SFXN1: variants seen among roughly 807,000 people sequenced by gnomAD.
SFXN1 encodes the protein sideroflexin 1.
In SFXN1, 32 loss-of-function variants were observed where a neutral mutation model predicts 39.5. The ratio of observed to expected loss-of-function variants is 0.81; its 90% CI spans 0.61 to 1.09. SFXN1 has a LOEUF of 1.09. SFXN1 is among the 50% of genes least tolerant of loss of function. The probability of loss-of-function intolerance (pLI) is 0.00; values close to 1 mark genes in which losing one functional copy is unlikely to be tolerated. For synonymous variants in SFXN1, 136 were observed against 146.5 expected (o/e 0.93, Z 0.52); for missense variants, 402 against 407.1 (o/e 0.99, Z 0.11).
chr5:175,481,613 A>T (rs1052268696), intron 1 of SFXN1, among the ~76,000 whole-genome samples: 9 of 152,194 alleles, frequency 5.9e-5, no homozygotes, highest in Non-Finnish European at 1.3e-4. Context: ...CGCGCCTGGC[A>T]CATGGGTGTT....
intron 6 of SFXN1, among the ~76,000 whole-genome samples, chr5:175,512,493 A>G (rs1013399499): frequency 6.6e-6 from 1 of 152,184 alleles, no homozygotes; most frequent in East Asian, 1.9e-4. Context: ...ATATATCTCA[A>G]GCTTACATTG....
intron 1 of SFXN1, among the ~76,000 whole-genome samples, chr5:175,487,728 C>T (rs1235267279): frequency 6.6e-6 from 1 of 152,196 alleles, no homozygotes; most frequent in African/African-American, 2.4e-5. Flanking sequence ...GAACTTAGAC[C>T]TACTTACTCT....
chr5:175,503,648 A>G (rs1240674718), intron 2 of SFXN1, among the ~76,000 whole-genome samples: 1 of 152,222 alleles, frequency 6.6e-6, no homozygotes, highest in African/African-American at 2.4e-5. Flanking sequence ...CCACATCAGT[A>G]GTGAGCAATG....
At chr5:175,513,809 G>A (rs911721365) in intron 7 of SFXN1, 2 of 442,144 alleles carry the variant, frequency 4.5e-6, no homozygotes, top group Non-Finnish European at 8.4e-6. Context: ...GGCAGCCGGG[G>A]AAGAGCACTG....
At chr5:175,504,003 CA>C (rs56776430) in intron 2 of SFXN1, among the ~76,000 whole-genome samples, 2,228 of 51,918 alleles carry the variant, frequency 0.043, 13 homozygotes, top group Middle Eastern at 0.1. Flanking sequence ...CACTCCATCT[CA>C]AAAAAAAAAA....
chr5:175,515,469 A>G (rs1760685198), intron 7 of SFXN1, among the ~76,000 whole-genome samples: 1 of 152,232 alleles, frequency 6.6e-6, no homozygotes, highest in Admixed American at 6.5e-5. Flanking sequence ...AGTGCAATTT[A>G]TAAGAGTAAT....
At chr5:175,498,463 G>A (rs376133318) in intron 2 of SFXN1, among the ~76,000 whole-genome samples, 2 of 152,142 alleles carry the variant, frequency 1.3e-5, no homozygotes, top group African/African-American at 4.8e-5. Flanking sequence ...CGATCTGACC[G>A]CAGAGTTCAT....
chr5:175,516,464 ATAATT>A, intron 7 of SFXN1, 145 bp from the exon 8 acceptor site: 3 of 630,056 alleles, frequency 4.8e-6, no homozygotes, highest in Non-Finnish European at 8.1e-6. Flanking sequence ...TTCAAATGTA[ATAATT>A]TAAAGAATTG....
chr5:175,495,729 A>AG (rs546000937), intron 2 of SFXN1, among the ~76,000 whole-genome samples: 84 of 14,142 alleles, frequency 5.9e-3, no homozygotes, highest in Non-Finnish European at 0.01. Flanking sequence ...ACTTCGTCTC[A>AG]AAAAAAAAAA....
intron 2 of SFXN1, among the ~76,000 whole-genome samples, chr5:175,501,956 A>ACTGATTC (rs1196897351): frequency 6.6e-6 from 1 of 152,202 alleles, no homozygotes; most frequent in Non-Finnish European, 1.5e-5. Flanking sequence ...AGTCTCCCCG[A>ACTGATTC]CTGATTCGGT....
chr5:175,491,648 A>T (rs1184922274), intron 1 of SFXN1: 1 of 152,720 alleles, frequency 6.5e-6, no homozygotes, highest in Non-Finnish European at 1.5e-5. Flanking sequence ...CCATGCCCGG[A>T]TAAGTTTTTA....
At chr5:175,489,338 G>T (rs1383863054) in intron 1 of SFXN1, among the ~76,000 whole-genome samples, 1 of 152,150 alleles carries the variant, frequency 6.6e-6, no homozygotes, top group Non-Finnish European at 1.5e-5. Flanking sequence ...ACACGTAATT[G>T]TAACTTCAAA....
chr5:175,522,020 C>T, intron 9 of SFXN1, 52 bp downstream of exon 9: 1 of 1,464,440 alleles, frequency 6.8e-7, no homozygotes, highest in Non-Finnish European at 9.4e-7. Flanking sequence ...TATAAATACA[C>T]AGCGTATGAA....
intron 2 of SFXN1, among the ~76,000 whole-genome samples, chr5:175,498,896 T>C (rs1219654762): frequency 6.6e-6 from 1 of 152,156 alleles, no homozygotes; most frequent in Non-Finnish European, 1.5e-5. Flanking sequence ...ATAAAAATCT[T>C]TCCCACAAAA....
chr5:175,517,984 T>C (rs1393664632), intron 8 of SFXN1, among the ~76,000 whole-genome samples: 1 of 152,148 alleles, frequency 6.6e-6, no homozygotes, highest in Non-Finnish European at 1.5e-5. Context: ...ATTCTGGGCT[T>C]TTTTAAACGG....
chr5:175,504,056 G>T (rs1230054499), intron 2 of SFXN1, among the ~76,000 whole-genome samples: 1 of 150,666 alleles, frequency 6.6e-6, no homozygotes, highest in Admixed American at 6.6e-5. Flanking sequence ...AGAAAAGAGG[G>T]GGGTGGGGGA....
chr5:175,500,739 C>T (rs997701005), intron 2 of SFXN1, among the ~76,000 whole-genome samples: 6 of 152,096 alleles, frequency 3.9e-5, no homozygotes, highest in Non-Finnish European at 4.4e-5. Context: ...ATAAAGCTCT[C>T]GTAGTAACGA....
chr5:175,488,017 C>G (rs1221860236), intron 1 of SFXN1, among the ~76,000 whole-genome samples: 2 of 152,190 alleles, frequency 1.3e-5, no homozygotes. Flanking sequence ...TGTCACTGTT[C>G]CTCCTGTGTC....
chr5:175,502,965 C>G (rs1760140921), intron 2 of SFXN1, among the ~76,000 whole-genome samples: 1 of 152,116 alleles, frequency 6.6e-6, no homozygotes, highest in East Asian at 1.9e-4. Context: ...TCAAAGAGGT[C>G]AGACACAAAA....
Sources: gnomAD v4.1 joint callset for allele counts (sites outside exome capture counted in the v4.1 genomes callset) on GRCh38, gnomAD v4.1.1 for gene constraint, MANE v1.5 for transcripts, NCBI Gene and HGNC (gene_info 2026-07-23, HGNC 2026-07-21) for gene names.